PIBF1: variants seen among roughly 807,000 people sequenced by gnomAD.
PIBF1 encodes the protein progesterone-induced-blocking factor 1.
Under a neutral mutation model 112.5 loss-of-function variants are expected in PIBF1, and 90 were observed. That is an observed-to-expected ratio of 0.80 (90% CI 0.67 to 0.95). The LOEUF is 0.95. PIBF1 is among the 40% of genes least tolerant of loss of function. The probability of loss-of-function intolerance (pLI) is 0.00; values close to 1 mark genes in which losing one functional copy is unlikely to be tolerated. For missense variants in PIBF1, 915 were observed against 852.3 expected (o/e 1.07, Z -0.92); for synonymous variants, 301 against 288.6 (o/e 1.04, Z -0.44).
At chr13:72,898,998 A>G (rs973943987) in intron 11 of PIBF1, among the ~76,000 whole-genome samples, 2 of 152,174 alleles carry the variant, frequency 1.3e-5, no homozygotes, top group African/African-American at 4.8e-5. Context: ...TGTGAATATC[A>G]TTACACACAT....
At chr13:72,927,953 A>ATG (rs1566457627) in intron 13 of PIBF1, among the ~76,000 whole-genome samples, 1 of 63,244 alleles carries the variant, frequency 1.6e-5, no homozygotes, top group Non-Finnish European at 3.1e-5. Context: ...GTGTATATAT[A>ATG]TATATACACA....
intron 16 of PIBF1, among the ~76,000 whole-genome samples, chr13:72,975,869 T>A (rs1434651494): frequency 6.6e-6 from 1 of 152,226 alleles, no homozygotes; most frequent in African/African-American, 2.4e-5. Flanking sequence ...AAATTAAATA[T>A]TTAAGAGTAG....
intron 5 of PIBF1, among the ~76,000 whole-genome samples, chr13:72,805,033 G>A (rs2035654574): frequency 6.6e-6 from 1 of 152,140 alleles, no homozygotes; most frequent in Non-Finnish European, 1.5e-5. Context: ...CAGTGCAGTG[G>A]TACAGTCTCG....
intron 10 of PIBF1, among the ~76,000 whole-genome samples, chr13:72,886,361 T>C (rs763158962): frequency 9.2e-5 from 14 of 151,806 alleles, no homozygotes; most frequent in Non-Finnish European, 1.8e-4. Flanking sequence ...CAAGCTGAAT[T>C]TTAAGGGTTT....
chr13:73,016,003 G>A lies in PIBF1; in HGVS notation c.*84G>A, dbSNP rs1594375866. ...GGAAAACAAAATTCAGCTTAATCGT[G>A]TACTCAGCATTTTTTAAATAACAAT... On this transcript the variant is annotated 3_prime_UTR_variant, in exon 18 of 18. Coordinates refer to ENST00000326291, the MANE Select transcript of PIBF1 (RefSeq NM_006346.4). 4.7e-6 allele frequency: 3 copies of A among 640,294 alleles called. No homozygotes were observed. The highest frequency in any genetic ancestry group is 2.5e-6 in the Non-Finnish European group (1 of 392,896). The allele number at this position is 640,294 out of a possible 1,614,324, so 39.7% of individuals were successfully genotyped here.
intron 10 of PIBF1, among the ~76,000 whole-genome samples, chr13:72,874,458 G>T (rs1346476319): frequency 6.6e-6 from 1 of 152,136 alleles, no homozygotes; most frequent in Non-Finnish European, 1.5e-5. Flanking sequence ...AAAGTTCTAT[G>T]TTGAAAGAAG....
At chr13:72,875,195 G>T (rs1367523687) in intron 10 of PIBF1, among the ~76,000 whole-genome samples, 1 of 152,012 alleles carries the variant, frequency 6.6e-6, no homozygotes, top group Admixed American at 6.6e-5. Flanking sequence ...TTACTTAGTA[G>T]TGTGCATTTA....
At chr13:72,908,784 C>T (rs962992604) in intron 12 of PIBF1, 103 bp downstream of exon 12, 4 of 1,051,090 alleles carry the variant, frequency 3.8e-6, no homozygotes, top group Middle Eastern at 2.2e-4. Flanking sequence ...CACGGTGGCT[C>T]ATGCCTGTAA....
chr13:72,989,207 A>G (rs2043396098), intron 16 of PIBF1, among the ~76,000 whole-genome samples: 1 of 152,244 alleles, frequency 6.6e-6, no homozygotes, highest in Non-Finnish European at 1.5e-5. Flanking sequence ...GCCCAGGTAT[A>G]TAAACAAAAG....
At chr13:72,837,788 CAT>C (rs143922521) in intron 9 of PIBF1, among the ~76,000 whole-genome samples, 9,443 of 152,156 alleles carry the variant, frequency 0.062, 391 homozygotes, top group Non-Finnish European at 0.099. Flanking sequence ...GCTGTATACA[CAT>C]ATATTTTTGT....
chr13:72,965,237 C>T (rs1452923269), intron 14 of PIBF1, 37 bp from the exon 15 acceptor site: 1 of 1,585,376 alleles, frequency 6.3e-7, no homozygotes. Context: ...TTTGTTGTCA[C>T]ATTTTCTAGA....
intron 5 of PIBF1, among the ~76,000 whole-genome samples, chr13:72,816,316 G>T (rs1413748266): frequency 1.3e-5 from 2 of 152,116 alleles, no homozygotes; most frequent in African/African-American, 4.8e-5. Context: ...CCAATCTAGG[G>T]TCCACCACAT....
chr13:72,933,093 T>TAATA (rs1555318190), intron 14 of PIBF1, among the ~76,000 whole-genome samples: 1 of 151,678 alleles, frequency 6.6e-6, no homozygotes, highest in Non-Finnish European at 1.5e-5. Context: ...GCAGAAAAGA[T>TAATA]AATAAACAAA....
At chr13:72,927,079 T>G (rs911085846) in intron 13 of PIBF1, among the ~76,000 whole-genome samples, 2 of 151,546 alleles carry the variant, frequency 1.3e-5, no homozygotes, top group Non-Finnish European at 2.9e-5. Context: ...TTTTTTTTTT[T>G]GAAACAGAGT....
chr13:72,846,257 C>T (rs1316148764), intron 9 of PIBF1, among the ~76,000 whole-genome samples: 1 of 152,164 alleles, frequency 6.6e-6, no homozygotes, highest in Non-Finnish European at 1.5e-5. Context: ...CTTCCACTTG[C>T]CCAGACCAAA....
chr13:72,816,257 G>C (rs2036269587), intron 5 of PIBF1, among the ~76,000 whole-genome samples: 1 of 152,194 alleles, frequency 6.6e-6, no homozygotes, highest in South Asian at 2.1e-4. Flanking sequence ...AAGTTGACTT[G>C]CTAGAGCAAA....
chr13:72,877,143 G>GT (rs1566393547), intron 10 of PIBF1, among the ~76,000 whole-genome samples: 5 of 152,218 alleles, frequency 3.3e-5, no homozygotes, highest in Admixed American at 2.6e-4. Context: ...GGATCATGTG[G>GT]TTTTTTTCTT....
intron 13 of PIBF1, among the ~76,000 whole-genome samples, chr13:72,927,785 TTAA>T (rs1311432819): frequency 4.0e-5 from 6 of 150,834 alleles, no homozygotes; most frequent in Non-Finnish European, 8.9e-5. Flanking sequence ...TCTTATATCC[TTAA>T]TAATACAATC....
intron 10 of PIBF1, among the ~76,000 whole-genome samples, chr13:72,892,168 T>C (rs539078943): frequency 3.5e-4 from 53 of 152,234 alleles, no homozygotes; most frequent in African/African-American, 1.2e-3. Flanking sequence ...AATTTTATGG[T>C]ATATGAATTA....
Sources: gnomAD v4.1 joint callset for allele counts (sites outside exome capture counted in the v4.1 genomes callset) on GRCh38, gnomAD v4.1.1 for gene constraint, MANE v1.5 for transcripts, NCBI Gene and HGNC (gene_info 2026-07-23, HGNC 2026-07-21) for gene names.